Variants in EGFLAM observed in about 807,000 individuals in gnomAD.
The protein encoded by EGFLAM is pikachurin.
EGFLAM carries 79 observed loss-of-function variants against 113.1 expected under a neutral mutation model. The ratio of observed to expected loss-of-function variants is 0.70; its 90% CI spans 0.58 to 0.84. The LOEUF (loss-of-function observed/expected upper bound fraction) is 0.84. Among genes scored for constraint, EGFLAM ranks in the 40% least tolerant of loss-of-function variants. The pLI is 0.00. For missense variants in EGFLAM, 1,265 were observed against 1,291.6 expected, an observed-to-expected ratio of 0.98 and a Z score of 0.32; for synonymous variants, 504 against 487.6, an observed-to-expected ratio of 1.03 and a Z score of -0.44.
chr5:38,363,290 C>T (rs773798655), intron 5 of EGFLAM, among the ~76,000 whole-genome samples: 1 of 152,188 alleles, frequency 6.6e-6, no homozygotes, highest in Non-Finnish European at 1.5e-5. Context: ...TATGGGATCA[C>T]ATCTCTTCTC....
intron 13 of EGFLAM, 61 bp from the exon 14 acceptor site, chr5:38,426,948 G>C: frequency 6.3e-7 from 1 of 1,589,752 alleles, no homozygotes; most frequent in Non-Finnish European, 8.5e-7. Context: ...CACAGCTATG[G>C]GTGCACATCT....
At chr5:38,275,592 G>A (rs1429740143) in intron 1 of EGFLAM, among the ~76,000 whole-genome samples, 1 of 152,170 alleles carries the variant, frequency 6.6e-6, no homozygotes, top group East Asian at 1.9e-4. Context: ...TAGAACTGAA[G>A]GGAGAGATAG....
chr5:38,464,220 A>G lies in EGFLAM; in HGVS notation c.*234A>G. On this transcript the variant is annotated 3_prime_UTR_variant, in exon 22 of 22. Coordinates refer to ENST00000322350, the MANE Select transcript of EGFLAM (RefSeq NM_152403.4). Reference sequence around the variant, plus strand: ...GAATTCTCTGTGTAGGAAGCATCGGACTTTGTCCATTGAATATGTAGCGGC... The same window carrying G: ...GAATTCTCTGTGTAGGAAGCATCGGGCTTTGTCCATTGAATATGTAGCGGC... The G allele has an allele frequency of 1.9e-6, 1 of 530,224 alleles. No individual in the cohort carries two copies. The highest frequency in any genetic ancestry group is 3.0e-5 in the East Asian group (1 of 33,208). 32.8% of individuals were successfully genotyped at this position (530,224 alleles called of 1,614,324 possible). A position where few individuals can be genotyped will look rare whatever the true frequency, so the allele number is the denominator to read the frequency against.
At chr5:38,462,042 C>A (rs1313554454) in intron 20 of EGFLAM, among the ~76,000 whole-genome samples, 2 of 152,162 alleles carry the variant, frequency 1.3e-5, no homozygotes, top group Non-Finnish European at 2.9e-5. Context: ...GTGGCGGGCG[C>A]CTGTAGTCCC....
At chr5:38,362,838 T>C (rs1039017419) in intron 5 of EGFLAM, among the ~76,000 whole-genome samples, 2 of 152,198 alleles carry the variant, frequency 1.3e-5, no homozygotes, top group Non-Finnish European at 2.9e-5. Flanking sequence ...GTTCGGCAAA[T>C]TGATCCCGTA....
chr5:38,406,430 A>G (rs1193740534), intron 7 of EGFLAM, among the ~76,000 whole-genome samples, 189 bp downstream of exon 7: 1 of 152,232 alleles, frequency 6.6e-6, no homozygotes, highest in Non-Finnish European at 1.5e-5. Context: ...AGTACTAGCC[A>G]TCCTGATGTT....
At chr5:38,435,387 A>G (rs1001254034) in intron 16 of EGFLAM, 134 bp downstream of exon 16, 6 of 684,890 alleles carry the variant, frequency 8.8e-6, no homozygotes, top group African/African-American at 7.2e-5. Context: ...AAAAATTTCT[A>G]TTTTAATGCC....
chr5:38,271,841 G>T (rs1579709209), intron 1 of EGFLAM, among the ~76,000 whole-genome samples: 1 of 152,218 alleles, frequency 6.6e-6, no homozygotes, highest in Admixed American at 6.5e-5. Context: ...CCCCTGCATT[G>T]CCTAATGGAT....
At chr5:38,356,541 C>A (rs1197174078) in intron 5 of EGFLAM, among the ~76,000 whole-genome samples, 3 of 152,192 alleles carry the variant, frequency 2.0e-5, no homozygotes, top group Non-Finnish European at 4.4e-5. Context: ...GAACCGAATT[C>A]TCCTGACTTC....
chr5:38,342,772 A>C (rs970897063), intron 3 of EGFLAM, among the ~76,000 whole-genome samples: 2 of 152,236 alleles, frequency 1.3e-5, no homozygotes, highest in Admixed American at 6.5e-5. Context: ...CAGTTAAAAA[A>C]TATTTGAACA....
At chr5:38,430,215 C>T (rs570665081) in intron 14 of EGFLAM, 108 of 156,466 alleles carry the variant, frequency 6.9e-4, no homozygotes, top group African/African-American at 2.4e-3. Context: ...ATTTTTTATG[C>T]GTTTCAAAGT....
chr5:38,329,984 G>T (rs549391565), intron 1 of EGFLAM, among the ~76,000 whole-genome samples: 77 of 152,186 alleles, frequency 5.1e-4, no homozygotes, highest in Non-Finnish European at 9.0e-4. Flanking sequence ...ACCTAACCAG[G>T]TCCCAGCAGG....
chr5:38,448,677 C>T (rs1312549623), intron 18 of EGFLAM, among the ~76,000 whole-genome samples: 1 of 152,180 alleles, frequency 6.6e-6, no homozygotes, highest in Non-Finnish European at 1.5e-5. Flanking sequence ...CCAGAGTTTC[C>T]AGTATTCAGG....
intron 5 of EGFLAM, among the ~76,000 whole-genome samples, chr5:38,366,774 AC>A (rs1740072224): frequency 6.6e-6 from 1 of 152,114 alleles, no homozygotes; most frequent in Admixed American, 6.5e-5. Context: ...AAAGTGAAGG[AC>A]CCTTTACTTA....
intron 3 of EGFLAM, among the ~76,000 whole-genome samples, chr5:38,343,139 C>G (rs1739382953): frequency 6.6e-6 from 1 of 152,150 alleles, no homozygotes; most frequent in Non-Finnish European, 1.5e-5. Context: ...CACAGTGGCT[C>G]AAGCCTGTAA....
At chr5:38,385,290 C>CT (rs909596557) in intron 6 of EGFLAM, among the ~76,000 whole-genome samples, 2 of 116,150 alleles carry the variant, frequency 1.7e-5, no homozygotes, top group Admixed American at 1.7e-4. Context: ...CCCCCCCCCC[C>CT]GCCCCCGCCA....
At chr5:38,417,574 C>A (rs1005640853) in intron 11 of EGFLAM, among the ~76,000 whole-genome samples, 1 of 151,962 alleles carries the variant, frequency 6.6e-6, no homozygotes, top group African/African-American at 2.4e-5. Flanking sequence ...CCCCTCCACC[C>A]CCCGTCCACC....
intron 3 of EGFLAM, among the ~76,000 whole-genome samples, chr5:38,339,628 C>T (rs1579793037): frequency 6.6e-6 from 1 of 152,186 alleles, no homozygotes; most frequent in Non-Finnish European, 1.5e-5. Context: ...CACAACTATC[C>T]TATGACCTCA....
intron 1 of EGFLAM, among the ~76,000 whole-genome samples, chr5:38,266,355 A>G (rs1349773601): frequency 2.6e-5 from 4 of 152,244 alleles, no homozygotes; most frequent in Non-Finnish European, 4.4e-5. Context: ...CTGTAAAAAT[A>G]GGATAAAGAA....
Sources: gnomAD v4.1 joint callset for allele counts (sites outside exome capture counted in the v4.1 genomes callset) on GRCh38, gnomAD v4.1.1 for gene constraint, MANE v1.5 for transcripts, NCBI Gene and HGNC (gene_info 2026-07-23, HGNC 2026-07-21) for gene names.